The following SETBP1 variants were observed in gnomAD, a reference collection of about 807,000 sequenced individuals.
The protein encoded by SETBP1 is SET-binding protein.
Under a neutral mutation model 101.0 loss-of-function variants are expected in SETBP1, and 9 were observed. The observed-to-expected ratio is 0.09, with a 90% CI of 0.05 to 0.16. SETBP1 has a LOEUF of 0.16. Ranked by LOEUF, SETBP1 falls within the 10% of genes least tolerant of loss-of-function variation. The pLI, the probability that SETBP1 is intolerant of heterozygous loss-of-function variation, is 1.00. For synonymous variants in SETBP1, 818 were observed against 788.5 expected (o/e 1.04, Z -0.63); for missense variants, 1,858 against 2,033.8 (o/e 0.91, Z 1.66).
intron 4 of SETBP1, among the ~76,000 whole-genome samples, chr18:44,965,699 C>A (rs773650266): frequency 6.6e-6 from 1 of 152,202 alleles, no homozygotes; most frequent in Non-Finnish European, 1.5e-5. Context: ...TTGCTCACAT[C>A]GCTGAAATAG....
rs1047147591 is a variant in SETBP1 at position 44,777,539 on chromosome 18, T to G, written c.486+75707T>G. On this transcript the variant is annotated intron_variant, in intron 2 of 5. Transcript: ENST00000649279. Reference sequence around the variant, plus strand: ...GTCCTGGGGCTGCCATCCCCTCATCTGGTGGATAGAGTTGCACCTGTATAT... The same window carrying G: ...GTCCTGGGGCTGCCATCCCCTCATCGGGTGGATAGAGTTGCACCTGTATAT... Among the ~76,000 whole-genome samples, 5 of 152,276 alleles carry G rather than the reference T, an allele frequency of 3.3e-5. No individual in the cohort carries two copies. In the South Asian group the frequency reaches 1.0e-3, roughly 32 times the overall value.
intron 4 of SETBP1, among the ~76,000 whole-genome samples, chr18:45,020,057 G>C (rs1208612945): frequency 1.3e-5 from 2 of 151,786 alleles, no homozygotes. Flanking sequence ...ACCTCCCAGG[G>C]TTGTGGCAGG....
At chr18:45,029,682 T>A (rs1046895049) in intron 4 of SETBP1, among the ~76,000 whole-genome samples, 2 of 152,196 alleles carry the variant, frequency 1.3e-5, no homozygotes, top group African/African-American at 4.8e-5. Context: ...TCCTCTTATT[T>A]CATTGAGCAG....
rs5824565 is a variant in SETBP1, at chr18:44,954,329, T to TAA, written c.4000+1013_4000+1014dup. On this transcript the variant is annotated intron_variant, in intron 4 of 5. Transcript: ENST00000649279. ...CTTCTTACCTAGGAGTTGCAGAAGC[T>TAA]AAAAAAAAAAAAAAAAAAAAAAAAA... 5.6e-3 allele frequency among the ~76,000 whole-genome samples: 404 copies of TAA among 71,566 alleles called. 11 individuals are homozygous for TAA. The highest frequency in any genetic ancestry group is 0.019 in the African/African-American group (359 of 18,438). 47.0% of individuals were successfully genotyped at this position (71,566 alleles called of 152,430 possible).
chr18:44,949,363 G>A (rs2071282905), intron 3 of SETBP1, among the ~76,000 whole-genome samples: 1 of 152,226 alleles, frequency 6.6e-6, no homozygotes, highest in Non-Finnish European at 1.5e-5. Context: ...ACAGGAGGAA[G>A]CGAGGAAAGA....
rs570027016 is a variant in SETBP1, at chr18:44,905,816, G to A, written c.540+36533G>A. On this transcript the variant is annotated intron_variant, in intron 3 of 5. Coordinates refer to ENST00000649279, the MANE Select transcript of SETBP1 (RefSeq NM_015559.3). ...GTGTCACACAAAAATTAATTGACTG[G>A]GAGAACTGTCAGAGGAGTTGTTTCC... 4.6e-5 allele frequency among the ~76,000 whole-genome samples: 7 copies of A among 152,274 alleles called. No homozygotes were observed. In the South Asian group the frequency reaches 1.5e-3, roughly 32 times the overall value.
At chr18:45,023,578 A>G (rs937535018) in intron 4 of SETBP1, among the ~76,000 whole-genome samples, 1 of 152,224 alleles carries the variant, frequency 6.6e-6, no homozygotes, top group Admixed American at 6.5e-5. Flanking sequence ...TTGAATATGT[A>G]GATGATGACA....
intron 3 of SETBP1, among the ~76,000 whole-genome samples, chr18:44,888,830 A>G (rs2069706490): frequency 6.6e-6 from 1 of 152,140 alleles, no homozygotes; most frequent in Non-Finnish European, 1.5e-5. Context: ...GAGTCAAGTC[A>G]GCTGACTGCT....
chr18:44,872,841 G>A (rs896482340), intron 3 of SETBP1, among the ~76,000 whole-genome samples: 3 of 152,196 alleles, frequency 2.0e-5, no homozygotes, highest in Admixed American at 6.5e-5. Flanking sequence ...CCACAGTGGT[G>A]GAACAGTGAT....
At chr18:44,883,554 C>T (rs995275047) in intron 3 of SETBP1, among the ~76,000 whole-genome samples, 2 of 152,158 alleles carry the variant, frequency 1.3e-5, no homozygotes, top group Non-Finnish European at 2.9e-5. Flanking sequence ...GGTACAGGAC[C>T]GTCTACTAAA....
chr18:45,054,579 A>G (rs1308139678), intron 5 of SETBP1, among the ~76,000 whole-genome samples: 1 of 152,206 alleles, frequency 6.6e-6, no homozygotes, highest in East Asian at 1.9e-4. Flanking sequence ...ACCCCTTGTG[A>G]TGAATATTCA....
chr18:44,780,086 C>T (rs925110461), intron 2 of SETBP1, among the ~76,000 whole-genome samples: 2 of 152,122 alleles, frequency 1.3e-5, no homozygotes, highest in Non-Finnish European at 2.9e-5. Context: ...GCTCCCAGCA[C>T]GACCTGTACC....
Position 44,888,538 on chromosome 18 carries a change from A to C in SETBP1, c.540+19255A>C, listed in dbSNP as rs532547514. On this transcript the variant is annotated intron_variant, in intron 3 of 5. Transcript: ENST00000649279. ...TTGGTGCAAAGCAAATGTAGCAGAT[A>C]AGAAAGCTTTGTGCTTTTATTAAAA... Among the ~76,000 whole-genome samples the C allele has an allele frequency of 8.5e-5, 13 of 152,290 alleles. No individual in the cohort carries two copies. In the East Asian group the frequency reaches 2.5e-3, roughly 29 times the overall value.
At chr18:44,818,129 C>T (rs2072022980) in intron 2 of SETBP1, among the ~76,000 whole-genome samples, 1 of 152,206 alleles carries the variant, frequency 6.6e-6, no homozygotes, top group African/African-American at 2.4e-5. Flanking sequence ...CAGGAAGCTG[C>T]AAGTCAGGAT....
chr18:44,728,478 T>G (rs2069763273), intron 2 of SETBP1, among the ~76,000 whole-genome samples: 1 of 152,246 alleles, frequency 6.6e-6, no homozygotes, highest in African/African-American at 2.4e-5. Context: ...ATAGGGACCA[T>G]TTGTTCATTC....
chr18:44,846,377 A>G (rs989902861), intron 2 of SETBP1, among the ~76,000 whole-genome samples: 14 of 152,124 alleles, frequency 9.2e-5, no homozygotes, highest in African/African-American at 3.4e-4. Context: ...AATTCCAGAA[A>G]CTTTCAACCC....
chr18:44,705,635 G>A (rs1252056505), intron 2 of SETBP1, among the ~76,000 whole-genome samples: 1 of 152,034 alleles, frequency 6.6e-6, no homozygotes, highest in African/African-American at 2.4e-5. Context: ...AATGATTTTC[G>A]TTTTCATTGG....
intron 2 of SETBP1, among the ~76,000 whole-genome samples, chr18:44,764,286 C>G (rs2070719029): frequency 6.6e-6 from 1 of 152,242 alleles, no homozygotes; most frequent in South Asian, 2.1e-4. Context: ...GATTCTCCCC[C>G]AGACACCTGC....
chr18:44,951,210 A>C lies in SETBP1; in HGVS notation c.1870A>C (p.Lys624Gln). 1 of 1,614,150 alleles carries C rather than the reference A, an allele frequency of 6.2e-7. No homozygotes were observed. The highest frequency in any genetic ancestry group is 1.6e-4 in the Middle Eastern group (1 of 6,062). ...AGAGTTTCCTGGCACTAAGAAAAGA[A>C]AGCGACGACGCAATTTAGCGAAGTT... ...SREFPGTKKR[K>Q]RRRNLAKLAQ... The change falls in exon 4 of 6, where the codon AAG becomes CAG. Residue 624 changes from lysine (K) to glutamine (Q), a missense_variant. Physicochemically the swap from Lys to Gln is moderately conservative, Grantham distance 53. Around this residue, in one of 12 missense-constraint regions of SETBP1, gnomAD observed 111 missense variants for 119.3 expected, o/e 0.93. Coordinates refer to ENST00000649279, the MANE Select transcript of SETBP1 (RefSeq NM_015559.3). This position sits in a 1 kb window ranked among gnomAD's most constrained non-coding sequence, Gnocchi z 7.8.
Sources: gnomAD v4.1 joint callset for allele counts (sites outside exome capture counted in the v4.1 genomes callset) on GRCh38, gnomAD v4.1.1 for gene constraint, gnomAD v4.1.1 regional missense constraint, Gnocchi (gnomAD v3.1) non-coding constraint, MANE v1.5 for transcripts, NCBI Gene and HGNC (gene_info 2026-07-23, HGNC 2026-07-21) for gene names.